The following MDGA2 variants were observed in gnomAD, a reference collection of about 807,000 sequenced individuals.
MDGA2 encodes MAM domain containing glycosylphosphatidylinositol anchor 2.
MDGA2 carries 40 observed loss-of-function variants against 117.8 expected under a neutral mutation model. That is an observed-to-expected ratio of 0.34 (90% CI 0.26 to 0.44). The LOEUF (loss-of-function observed/expected upper bound fraction) is 0.44, where lower values mean the gene tolerates loss of function less well. Among genes scored for constraint, MDGA2 ranks in the 20% least tolerant of loss-of-function variants. The probability of loss-of-function intolerance (pLI) is 1.00; values close to 1 mark genes in which losing one functional copy is unlikely to be tolerated. For missense variants in MDGA2, 1,123 were observed against 1,250.6 expected (o/e 0.90, Z 1.54); for synonymous variants, 452 against 439.0 (o/e 1.03, Z -0.37).
At chr14:46,853,252 CTA>C (rs1219379994) in intron 15 of MDGA2, among the ~76,000 whole-genome samples, 1 of 151,756 alleles carries the variant, frequency 6.6e-6, no homozygotes, top group Non-Finnish European at 1.5e-5. Flanking sequence ...ATAATAAAAA[CTA>C]TCACAAATTA....
chr14:46,942,678 G>C (rs1885040594), intron 9 of MDGA2, among the ~76,000 whole-genome samples: 1 of 151,946 alleles, frequency 6.6e-6, no homozygotes, highest in South Asian at 2.1e-4. Context: ...TCTGTATTTG[G>C]TTCTTTTCAC....
At chr14:46,996,442 C>G (rs1887295023) in intron 8 of MDGA2, 1 of 152,150 alleles carries the variant, frequency 6.6e-6, no homozygotes, top group South Asian at 2.1e-4. Flanking sequence ...TATGGAAGAG[C>G]CAGTGGTTGT....
chr14:46,965,833 C>T (rs1459235332), intron 8 of MDGA2, among the ~76,000 whole-genome samples: 1 of 152,054 alleles, frequency 6.6e-6, no homozygotes, highest in African/African-American at 2.4e-5. Context: ...AAAATTTATT[C>T]AGAATGTTTT....
At chr14:46,960,934 A>G (rs915060534) in intron 8 of MDGA2, among the ~76,000 whole-genome samples, 2 of 132,032 alleles carry the variant, frequency 1.5e-5, no homozygotes, top group Non-Finnish European at 3.1e-5. Context: ...ATATATGTGT[A>G]TGCGTATATA....
chr14:47,535,147 GA>G lies in MDGA2; in HGVS notation c.280+139369del, dbSNP rs529560216. ...TCTGTATTTTAATTCCTAACAAAAT[GA>G]AAAAAAAAAATTAAAAAGCAGCTAT... On this transcript the variant is annotated intron_variant, in intron 1 of 16. Transcript: ENST00000399232. 3.5e-3 allele frequency among the ~76,000 whole-genome samples: 504 copies of G among 145,884 alleles called. 2 individuals carry two copies. The highest frequency in any genetic ancestry group is 7.1e-3 in the Middle Eastern group (2 of 280).
At chr14:47,203,333 A>T (rs764646523) in intron 3 of MDGA2, among the ~76,000 whole-genome samples, 1 of 151,938 alleles carries the variant, frequency 6.6e-6, no homozygotes, top group African/African-American at 2.4e-5. Flanking sequence ...ATGGGAGTTG[A>T]TGACAGATGG....
intron 1 of MDGA2, among the ~76,000 whole-genome samples, chr14:47,467,189 G>C (rs571263851): frequency 1.3e-5 from 2 of 152,206 alleles, no homozygotes; most frequent in South Asian, 4.1e-4. Flanking sequence ...AATAAGGCTG[G>C]AAGTTAGAGG....
intron 1 of MDGA2, among the ~76,000 whole-genome samples, chr14:47,557,015 C>T (rs1895696749): frequency 6.6e-6 from 1 of 152,210 alleles, no homozygotes; most frequent in African/African-American, 2.4e-5. Flanking sequence ...CACTCTCTGA[C>T]ACTAGCCTCA....
rs1054932872 is a variant in MDGA2 at position 47,157,820 on chromosome 14, CCT to C, written c.596-13548_596-13547del. 5.7e-4 allele frequency among the ~76,000 whole-genome samples: 86 copies of C among 152,200 alleles called. 1 individual carries two copies. Among genetic ancestry groups the C allele is most frequent in the South Asian group, 2.1e-4 (1 of 4,820 alleles). On this transcript the variant is annotated intron_variant, in intron 3 of 16. Transcript: ENST00000399232. ...CTTGTGGTTTTATAAGGGCTCCCCC[CCT>C]CACTCAGCTCTCATTCTTCTCCCTC...
At chr14:47,459,332 T>A (rs2038317) in intron 1 of MDGA2, among the ~76,000 whole-genome samples, 101,936 of 151,868 alleles carry the variant, frequency 0.67, 34,747 homozygotes, top group East Asian at 0.98. Context: ...CCCCAAGAAT[T>A]TAGGAGGCTG....
Position 47,419,088 on chromosome 14 carries a change from C to T in MDGA2, c.281-117538G>A, listed in dbSNP as rs536923962. On this transcript the variant is annotated intron_variant, in intron 1 of 16. Coordinates refer to ENST00000399232, the MANE Select transcript of MDGA2 (RefSeq NM_001113498.3). ...ACAACTCTGAGCAAGTCATTCACTT[C>T]ACACTGTTATATCAGTTATCCATCT... 1.2e-4 allele frequency among the ~76,000 whole-genome samples: 18 copies of T among 152,250 alleles called. No homozygotes were observed. The South Asian group carries it at 3.5e-3, about 30-fold the overall frequency.
intron 9 of MDGA2, among the ~76,000 whole-genome samples, chr14:46,953,380 T>A (rs1013861300): frequency 6.6e-6 from 1 of 151,882 alleles, no homozygotes; most frequent in Non-Finnish European, 1.5e-5. Flanking sequence ...TCTCCATTGA[T>A]AAAATTCCTA....
chr14:47,559,693 C>T (rs1314514093), intron 1 of MDGA2, among the ~76,000 whole-genome samples: 1 of 151,902 alleles, frequency 6.6e-6, no homozygotes, highest in Non-Finnish European at 1.5e-5. Flanking sequence ...CTACCTCAGC[C>T]TCCCGAGTAG....
intron 8 of MDGA2, among the ~76,000 whole-genome samples, chr14:47,033,873 T>C (rs2138641469): frequency 6.6e-6 from 1 of 152,336 alleles, no homozygotes; most frequent in South Asian, 2.1e-4. Flanking sequence ...AATACATTTG[T>C]CTCATACTTT....
chr14:47,114,965 A>T (rs1881244275), intron 5 of MDGA2, among the ~76,000 whole-genome samples: 1 of 151,698 alleles, frequency 6.6e-6, no homozygotes, highest in African/African-American at 2.4e-5. Flanking sequence ...CAAAAAAAAA[A>T]AAAAAATGCC....
At position 47,597,883 on chromosome 14, in the gene MDGA2, C is replaced by CACAA. The variant is rs1491357414; in HGVS notation, c.280+76633_280+76634insTTGT. Among the ~76,000 whole-genome samples the CACAA allele has an allele frequency of 2.9e-5, 4 of 138,052 alleles. No individual in the cohort carries two copies. The East Asian group carries it at 6.0e-4, about 21-fold the overall frequency. 90.6% of individuals were successfully genotyped at this position (138,052 alleles called of 152,430 possible). On this transcript the variant is annotated intron_variant, in intron 1 of 16. Transcript: ENST00000399232. ...ACACACACACACACACACACACACA[C>CACAA]AAAACACAGAGTCTGGACTTGCCAC...
chr14:46,903,010 G>A (rs1032629615), intron 10 of MDGA2, among the ~76,000 whole-genome samples: 11 of 152,210 alleles, frequency 7.2e-5, no homozygotes, highest in East Asian at 3.9e-4. Context: ...TTGGAGCCAC[G>A]GGAAGTTTGA....
At chr14:47,241,073 A>T (rs1887023205) in intron 2 of MDGA2, among the ~76,000 whole-genome samples, 1 of 151,842 alleles carries the variant, frequency 6.6e-6, no homozygotes, top group African/African-American at 2.4e-5. Flanking sequence ...TTGAAAACTT[A>T]ACCTTTAGGA....
rs550840025 is a variant in MDGA2, at chr14:47,485,915, G to A, written c.281-184365C>T. On this transcript the variant is annotated intron_variant, in intron 1 of 16. Coordinates refer to ENST00000399232, the MANE Select transcript of MDGA2 (RefSeq NM_001113498.3). ...TGTCCAGGCAGAAGTTTGCTGCAGG[G>A]GCAGGGAGGGCTCTCATGGAGAACC... is the stretch of plus-strand genomic sequence containing the variant. Among the ~76,000 whole-genome samples the A allele has an allele frequency of 7.5e-4, 115 of 152,318 alleles. 1 individual carries two copies. The highest frequency in any genetic ancestry group is 5.6e-3 in the East Asian group (29 of 5,176).
Sources: gnomAD v4.1 joint callset for allele counts (sites outside exome capture counted in the v4.1 genomes callset) on GRCh38, gnomAD v4.1.1 for gene constraint, MANE v1.5 for transcripts, NCBI Gene and HGNC (gene_info 2026-07-23, HGNC 2026-07-21) for gene names.